The following RNPEP variants were observed in gnomAD, a reference collection of about 807,000 sequenced individuals.
The protein encoded by RNPEP is arginyl aminopeptidase, also known as aminopeptidase B.
A neutral mutation model predicts 70.1 loss-of-function variants in RNPEP; 57 were observed. That is an observed-to-expected ratio of 0.81 (90% CI 0.66 to 1.01). The LOEUF (loss-of-function observed/expected upper bound fraction) is 1.01, where lower values mean the gene tolerates loss of function less well. Ranked by LOEUF, RNPEP falls within the 50% of genes least tolerant of loss-of-function variation. The pLI, the probability that RNPEP is intolerant of heterozygous loss-of-function variation, is 0.00. For missense variants in RNPEP, 787 were observed against 852.4 expected, an observed-to-expected ratio of 0.92 and a Z score of 0.96; for synonymous variants, 335 against 357.4, an observed-to-expected ratio of 0.94 and a Z score of 0.71.
chr1:201,982,716 T>A lies in RNPEP; in HGVS notation c.50T>A (p.Leu17Gln). The change falls in exon 1 of 11, where the codon CTG becomes CAG. Residue 17 changes from leucine to glutamine, a missense_variant. Physicochemically the swap from Leu to Gln is moderately radical, Grantham distance 113. Coordinates refer to ENST00000295640, the MANE Select transcript of RNPEP (RefSeq NM_020216.4). ...SPGSGAARRP[L>Q]HSAQAVDVAS... ...GGCAGCGGCGCGGCCCGGCGGCCGCTGCACTCCGCGCAGGCTGTGGACGTG... is the reference window on the plus strand; with the variant it reads ...GGCAGCGGCGCGGCCCGGCGGCCGCAGCACTCCGCGCAGGCTGTGGACGTG... The A allele has an allele frequency of 7.1e-7, 1 of 1,404,442 alleles. No homozygotes were observed. Among genetic ancestry groups the A allele is most frequent in the Non-Finnish European group, 9.3e-7 (1 of 1,073,982 alleles). 87.0% of individuals were successfully genotyped at this position (1,404,442 alleles called of 1,614,324 possible).
At chr1:201,986,653 C>T (rs1027806127) in intron 1 of RNPEP, among the ~76,000 whole-genome samples, 1 of 151,384 alleles carries the variant, frequency 6.6e-6, no homozygotes, top group Admixed American at 6.6e-5. Flanking sequence ...CGATTCTCCT[C>T]CCTCAGCCTC....
chr1:201,992,532 C>T (rs771377907), intron 3 of RNPEP, among the ~76,000 whole-genome samples: 32 of 152,160 alleles, frequency 2.1e-4, no homozygotes, highest in Middle Eastern at 3.4e-3. Flanking sequence ...GGCCTCTCTC[C>T]CACTATATTC....
At chr1:201,987,429 T>TC (rs1683170645) in intron 1 of RNPEP, among the ~76,000 whole-genome samples, 1 of 956 alleles carries the variant, frequency 1.0e-3, no homozygotes, top group Non-Finnish European at 4.4e-3. Flanking sequence ...CAGATTTTAC[T>TC]TTTTTTTTTT....
At chr1:202,000,312 G>T in intron 6 of RNPEP, 1 of 276,822 alleles carries the variant, frequency 3.6e-6, no homozygotes, top group Non-Finnish European at 6.9e-6. Context: ...TGATCATCAG[G>T]GCAGATCTGT....
intron 8 of RNPEP, among the ~76,000 whole-genome samples, chr1:202,002,127 C>G (rs1161376141): frequency 6.6e-6 from 1 of 152,068 alleles, no homozygotes; most frequent in Non-Finnish European, 1.5e-5. Context: ...TGAAGGCAAC[C>G]CCAGTGGCCC....
intron 3 of RNPEP, among the ~76,000 whole-genome samples, chr1:201,989,783 C>T (rs1683258006): frequency 6.6e-6 from 1 of 152,138 alleles, no homozygotes; most frequent in Admixed American, 6.6e-5. Flanking sequence ...AGCAGTAGCG[C>T]TGTCCTGGGC....
At chr1:201,994,668 CTTTTTTT>C (rs774484493) in intron 3 of RNPEP, among the ~76,000 whole-genome samples, 5 of 137,888 alleles carry the variant, frequency 3.6e-5, no homozygotes, top group Admixed American at 7.3e-5. Context: ...CCATCAGTCT[CTTTTTTT>C]TTTTTTTTTG....
intron 3 of RNPEP, among the ~76,000 whole-genome samples, chr1:201,994,441 C>T (rs1683466296): frequency 6.6e-6 from 1 of 152,062 alleles, no homozygotes; most frequent in African/African-American, 2.4e-5. Context: ...CACTGCCTCC[C>T]TCATTGCAAT....
intron 5 of RNPEP, 90 bp from the exon 6 acceptor site, chr1:201,999,811 AC>A: frequency 1.0e-6 from 1 of 981,362 alleles, no homozygotes. Flanking sequence ...TCTTGAGGCC[AC>A]AAGGAGGCAG....
At chr1:201,991,423 T>C (rs551125168) in intron 3 of RNPEP, among the ~76,000 whole-genome samples, 5 of 152,294 alleles carry the variant, frequency 3.3e-5, no homozygotes, top group African/African-American at 1.2e-4. Flanking sequence ...TGGGGGTTTA[T>C]TAAATCGGAG....
chr1:202,001,701 G>C lies in RNPEP; in HGVS notation c.1360G>C (p.Asp454His). ...EFKFRSILAD[D>H]FLDFYLEYFP... Reference sequence around the variant, plus strand: ...CAAATTCCGAAGCATCTTAGCCGATGACTTTCTGGACTTCTACTTGGAATA... The same window carrying C: ...CAAATTCCGAAGCATCTTAGCCGATCACTTTCTGGACTTCTACTTGGAATA... The change falls in exon 8 of 11, where the codon GAC becomes CAC. Residue 454 changes from aspartate to histidine, a missense_variant. By Grantham distance (81) the Asp-to-His change is moderately conservative. Transcript: ENST00000295640. 1.2e-6 allele frequency: 2 copies of C among 1,613,840 alleles called. No homozygotes were observed. The highest frequency in any genetic ancestry group is 4.5e-5 in the East Asian group (2 of 44,874).
chr1:202,004,172 CGCCA>C (rs1683954607), intron 9 of RNPEP, among the ~76,000 whole-genome samples, 178 bp from the exon 10 acceptor site: 2 of 152,054 alleles, frequency 1.3e-5, no homozygotes, highest in Non-Finnish European at 2.9e-5. Flanking sequence ...TACAGGCGTG[CGCCA>C]CCACACCCGG....
chr1:202,003,395 C>T lies in RNPEP; in HGVS notation c.1585C>T (p.Pro529Ser). The change falls in exon 9 of 11, where the codon CCC (proline) becomes TCC (serine). Residue 529 changes from proline to serine, a missense_variant. Physicochemically the swap from Pro to Ser is moderately conservative, Grantham distance 74. Transcript: ENST00000295640. ...GGCCATTGAAGCCGTGGCCATCTCT[C>T]CCTGGAAGACCTACCAGCTGGTCTA... ...MKAIEAVAIS[P>S]WKTYQLVYFL... is the part of the protein sequence containing the mutation. 6.2e-7 allele frequency: 1 copy of T among 1,614,162 alleles called. No homozygotes were observed. Among genetic ancestry groups the T allele is most frequent in the Non-Finnish European group, 8.5e-7 (1 of 1,180,026 alleles).
chr1:201,989,486 T>C lies in RNPEP; in HGVS notation c.692T>C (p.Ile231Thr). The C allele has an allele frequency of 6.2e-7, 1 of 1,614,158 alleles. No homozygotes were observed. The highest frequency in any genetic ancestry group is 8.5e-7 in the Non-Finnish European group (1 of 1,180,016). Residue 231 changes from isoleucine (I) to threonine (T), a missense_variant, in exon 3 of 11, where the codon ATA (isoleucine) becomes ACA (threonine). By Grantham distance (89) the Ile-to-Thr change is moderately conservative. Transcript: ENST00000295640. ...TGTCAGCCCATCCCCTCCTATCTGATAGCTTTGGCCATCGGAGATCTGGTT... is the reference window on the plus strand; with the variant it reads ...TGTCAGCCCATCCCCTCCTATCTGACAGCTTTGGCCATCGGAGATCTGGTT... ...QMCQPIPSYLIALAIGDLVSA... is the reference protein window; with the variant it reads ...QMCQPIPSYLTALAIGDLVSA...
At chr1:201,995,325 C>T (rs192178871) in intron 3 of RNPEP, among the ~76,000 whole-genome samples, 1 of 152,230 alleles carries the variant, frequency 6.6e-6, no homozygotes, top group Admixed American at 6.5e-5. Flanking sequence ...AGAATAGAGG[C>T]ATTCTCCCTT....
intron 8 of RNPEP, 174 bp from the exon 9 acceptor site, chr1:202,003,063 G>A (rs1478965794): frequency 1.8e-5 from 11 of 595,720 alleles, no homozygotes; most frequent in East Asian, 5.6e-5. Flanking sequence ...TCTAGATGTC[G>A]TTATAACTAG....
chr1:201,996,409 G>T (rs1683552714), intron 4 of RNPEP, 146 bp downstream of exon 4: 6 of 670,170 alleles, frequency 9.0e-6, no homozygotes, highest in South Asian at 8.5e-5. Flanking sequence ...AAGAGAGGAG[G>T]GTATGAGCCA....
At chr1:201,986,536 CTTT>C (rs374147270) in intron 1 of RNPEP, among the ~76,000 whole-genome samples, 2 of 80,624 alleles carry the variant, frequency 2.5e-5, no homozygotes, top group African/African-American at 9.6e-5. Flanking sequence ...CATTTTCTTT[CTTT>C]TTTTTTTTTT....
At chr1:202,002,383 A>G (rs982904315) in intron 8 of RNPEP, among the ~76,000 whole-genome samples, 1 of 152,086 alleles carries the variant, frequency 6.6e-6, no homozygotes, top group East Asian at 1.9e-4. Context: ...GCTGGTCTCG[A>G]ACTCCTGACC....
Sources: allele counts gnomAD v4.1 joint callset (sites outside exome capture counted in the v4.1 genomes callset), GRCh38; gene constraint gnomAD v4.1.1; transcripts MANE v1.5; gene names NCBI Gene and HGNC (gene_info 2026-07-23, HGNC 2026-07-21).